Variants in RBFOX1 observed in about 807,000 individuals in gnomAD.
The protein encoded by RBFOX1 is RNA binding fox-1 homolog 1, also known as RNA binding protein fox-1 homolog 1.
Under a neutral mutation model 57.7 loss-of-function variants are expected in RBFOX1, and 8 were observed. The ratio of observed to expected loss-of-function variants is 0.14; its 90% CI spans 0.08 to 0.25. The LOEUF is 0.25. Ranked by LOEUF, RBFOX1 falls within the 10% of genes least tolerant of loss-of-function variation. The pLI, the probability that RBFOX1 is intolerant of heterozygous loss-of-function variation, is 1.00. For synonymous variants in RBFOX1, 326 were observed against 222.4 expected, an observed-to-expected ratio of 1.47 and a Z score of -4.15; for missense variants, 611 against 548.5, an observed-to-expected ratio of 1.11 and a Z score of -1.14.
intron 2 of RBFOX1, among the ~76,000 whole-genome samples, chr16:6,526,829 CAAAAAAAAAAAAA>C (rs541468859): frequency 2.4e-4 from 8 of 32,900 alleles, no homozygotes; most frequent in East Asian, 1.0e-3. Context: ...GACTCTGTCT[CAAAAAAAAAAAAA>C]AAAAAAAAAA....
intron 3 of RBFOX1, among the ~76,000 whole-genome samples, chr16:6,934,065 G>A (rs984557470): frequency 2.0e-5 from 3 of 152,146 alleles, no homozygotes; most frequent in African/African-American, 7.2e-5. Context: ...AGGCCTTGAG[G>A]GTAGGCGTAC....
At chr16:7,500,792 T>G (rs2070511808) in intron 4 of RBFOX1, among the ~76,000 whole-genome samples, 1 of 152,220 alleles carries the variant, frequency 6.6e-6, no homozygotes, top group South Asian at 2.1e-4. Context: ...GGTTTGTCAG[T>G]GTCCCCACTC....
At chr16:6,251,055 G>C (rs949329881) in intron 1 of RBFOX1, among the ~76,000 whole-genome samples, 1 of 152,112 alleles carries the variant, frequency 6.6e-6, no homozygotes, top group African/African-American at 2.4e-5. Context: ...GGTGAAGTTT[G>C]CAAACAGCAG....
intron 3 of RBFOX1, among the ~76,000 whole-genome samples, chr16:5,748,033 C>T (rs1354785449): frequency 6.6e-6 from 1 of 152,194 alleles, no homozygotes; most frequent in African/African-American, 2.4e-5. Flanking sequence ...TTTCCCTCTA[C>T]ACACTGCTTT....
At chr16:7,079,877 C>G (rs1463210303) in intron 4 of RBFOX1, among the ~76,000 whole-genome samples, 11 of 151,536 alleles carry the variant, frequency 7.3e-5, no homozygotes, top group African/African-American at 2.4e-4. Context: ...GTGTAGAATT[C>G]CAGTTTTGCA....
intron 4 of RBFOX1, among the ~76,000 whole-genome samples, chr16:5,895,610 C>G (rs2058145088): frequency 1.3e-5 from 2 of 152,190 alleles, no homozygotes; most frequent in African/African-American, 2.4e-5. Flanking sequence ...ATCAGAATCA[C>G]AAAAGCTGGT....
intron 3 of RBFOX1, among the ~76,000 whole-genome samples, chr16:6,978,745 C>A (rs562676359): frequency 6.6e-6 from 1 of 152,306 alleles, no homozygotes; most frequent in South Asian, 2.1e-4. Context: ...AAGAAGGATT[C>A]GAACCCCAGA....
At chr16:5,919,486 G>T (rs1244222967) in intron 4 of RBFOX1, among the ~76,000 whole-genome samples, 1 of 152,046 alleles carries the variant, frequency 6.6e-6, no homozygotes, top group Admixed American at 6.6e-5. Flanking sequence ...GGGAGTACAG[G>T]CATGTGCTGC....
At chr16:7,586,087 G>A (rs890978590) in intron 6 of RBFOX1, among the ~76,000 whole-genome samples, 3 of 152,182 alleles carry the variant, frequency 2.0e-5, no homozygotes, top group Non-Finnish European at 4.4e-5. Flanking sequence ...AACAAAAAAA[G>A]AGGATGGAAA....
In RBFOX1 at chr16:7,326,029, C is replaced by T. The variant is rs926182036; in HGVS notation, c.28-192118C>T. On this transcript the variant is annotated intron_variant, in intron 4 of 15. Transcript: ENST00000550418. ...AGGTATTACAGGCATGTAGGGAAACCTGACTCTTGGTAACTGACCAGGCAC... is the reference window on the plus strand; with the variant it reads ...AGGTATTACAGGCATGTAGGGAAACTTGACTCTTGGTAACTGACCAGGCAC... 2.0e-4 allele frequency among the ~76,000 whole-genome samples: 30 copies of T among 152,082 alleles called. 1 individual carries two copies. The highest frequency in any genetic ancestry group is 7.2e-4 in the African/African-American group (30 of 41,394).
At chr16:6,419,753 C>G (rs1023640903) in intron 2 of RBFOX1, among the ~76,000 whole-genome samples, 1 of 152,164 alleles carries the variant, frequency 6.6e-6, no homozygotes, top group Non-Finnish European at 1.5e-5. Context: ...ACGCAGCACA[C>G]ACACCGCAAT....
At chr16:6,182,405 G>C (rs975080164) in intron 1 of RBFOX1, among the ~76,000 whole-genome samples, 1 of 152,140 alleles carries the variant, frequency 6.6e-6, no homozygotes, top group Non-Finnish European at 1.5e-5. Context: ...ACCAGTTTAA[G>C]ATTAATGTAT....
chr16:7,074,780 G>T (rs1481692824), intron 4 of RBFOX1, among the ~76,000 whole-genome samples: 1 of 152,266 alleles, frequency 6.6e-6, no homozygotes, highest in Admixed American at 6.5e-5. Context: ...ACATTATAAA[G>T]AAATGCTTAA....
intron 6 of RBFOX1, among the ~76,000 whole-genome samples, chr16:7,581,792 CT>C (rs1427812669): frequency 6.6e-6 from 1 of 152,104 alleles, no homozygotes; most frequent in Non-Finnish European, 1.5e-5. Flanking sequence ...TCACGGCTCA[CT>C]GCAAATTCTT....
intron 4 of RBFOX1, among the ~76,000 whole-genome samples, chr16:7,291,595 A>T (rs2095775787): frequency 6.6e-6 from 1 of 152,112 alleles, no homozygotes; most frequent in Non-Finnish European, 1.5e-5. Context: ...TTCCATTAAC[A>T]AACAGGTAAG....
At chr16:6,987,038 G>C (rs17141942) in intron 3 of RBFOX1, among the ~76,000 whole-genome samples, 1 of 152,052 alleles carries the variant, frequency 6.6e-6, no homozygotes, top group Non-Finnish European at 1.5e-5. Context: ...TTGCAAATAA[G>C]GCCTTGTGGA....
chr16:6,678,211 C>T (rs1345025568), intron 3 of RBFOX1, among the ~76,000 whole-genome samples: 8 of 152,322 alleles, frequency 5.3e-5, no homozygotes, highest in Admixed American at 3.9e-4. Context: ...GCAGCCTCTG[C>T]CTCCTTGAGT....
rs1423353618 is a variant in RBFOX1, at chr16:5,946,192, G to A, written c.351+78857G>A. Among the ~76,000 whole-genome samples, 1 of 152,192 alleles carries A rather than the reference G, an allele frequency of 6.6e-6. No individual in the cohort carries two copies. Among genetic ancestry groups the A allele is most frequent in the African/African-American group, 2.4e-5 (1 of 41,436 alleles). ...ATGGAAAGTGCACAGACGGCCCGAG[G>A]TGGGGGCCAGGCTCTGCCACATTAG... On this transcript the variant is annotated intron_variant, in intron 4 of 19. Coordinates refer to the RBFOX1 transcript ENST00000641259. This position sits in a 1 kb window ranked among gnomAD's most constrained non-coding sequence, Gnocchi z 4.6.
intron 1 of RBFOX1, among the ~76,000 whole-genome samples, chr16:6,293,889 G>A (rs926752437): frequency 1.3e-4 from 1 of 7,508 alleles, no homozygotes; most frequent in African/African-American, 1.8e-4. Flanking sequence ...AGAATTCCAG[G>A]GTGAGCGGGG....
Sources: allele counts gnomAD v4.1 joint callset (sites outside exome capture counted in the v4.1 genomes callset), GRCh38; gene constraint gnomAD v4.1.1; non-coding constraint Gnocchi (gnomAD v3.1); transcripts MANE v1.5; gene names NCBI Gene and HGNC (gene_info 2026-07-23, HGNC 2026-07-21).